PPP3CC: variants seen among roughly 807,000 people sequenced by gnomAD.
PPP3CC encodes the protein serine/threonine-protein phosphatase 2B catalytic subunit gamma isoform.
Under a neutral mutation model 60.3 loss-of-function variants are expected in PPP3CC, and 35 were observed. The observed-to-expected ratio is 0.58, with a 90% CI of 0.44 to 0.77. The LOEUF (loss-of-function observed/expected upper bound fraction) is 0.77, where lower values mean the gene tolerates loss of function less well. PPP3CC is among the 30% of genes least tolerant of loss of function. The pLI, the probability that PPP3CC is intolerant of heterozygous loss-of-function variation, is 0.00. For synonymous variants in PPP3CC, 206 were observed against 224.3 expected (o/e 0.92, Z 0.73); for missense variants, 570 against 628.9 (o/e 0.91, Z 1.00).
At chr8:22,493,641 C>G (rs1330482431) in intron 3 of PPP3CC, among the ~76,000 whole-genome samples, 1 of 152,098 alleles carries the variant, frequency 6.6e-6, no homozygotes, top group Non-Finnish European at 1.5e-5. Flanking sequence ...ATCAATATCA[C>G]TGCCTTTCAC....
intron 1 of PPP3CC, among the ~76,000 whole-genome samples, chr8:22,452,806 G>A (rs1354409681): frequency 4.3e-5 from 6 of 139,388 alleles, no homozygotes; most frequent in African/African-American, 1.5e-4. Context: ...TGCTGCTGCC[G>A]CCATCGCTAT....
intron 1 of PPP3CC, among the ~76,000 whole-genome samples, chr8:22,459,407 T>C (rs1014844051): frequency 2.0e-5 from 3 of 152,112 alleles, no homozygotes; most frequent in African/African-American, 7.2e-5. Context: ...AAGATTAGAG[T>C]AGATTCATGG....
intron 1 of PPP3CC, among the ~76,000 whole-genome samples, chr8:22,454,123 C>T (rs1837118165): frequency 1.3e-5 from 2 of 152,218 alleles, no homozygotes; most frequent in Admixed American, 1.3e-4. Context: ...AACTCTTGTA[C>T]TCATACTTAG....
rs537699503 is a variant in PPP3CC at position 22,448,405 on chromosome 8, G to T, written c.49+6947G>T. ...TGTTTTTTTTTTTTTTTGAGATGGA[G>T]TTTCGCTCTTGTTGCCCAGGCTGGA... On this transcript the variant is annotated intron_variant, in intron 1 of 13. Transcript: ENST00000240139. Among the ~76,000 whole-genome samples the T allele has an allele frequency of 4.1e-5, 6 of 146,498 alleles. No individual in the cohort carries two copies. The South Asian group carries it at 8.6e-4, about 21-fold the overall frequency.
rs777715654 is a variant in PPP3CC at position 22,513,403 on chromosome 8, C to T, written c.741C>T (p.Asn247=). 1 of 1,613,398 alleles carries T rather than the reference C, an allele frequency of 6.2e-7. No individual in the cohort carries two copies. Among genetic ancestry groups the T allele is most frequent in the Non-Finnish European group, 8.5e-7 (1 of 1,179,754 alleles). ...AGACCTTGGAGCACTATACCCACAA[C>T]ACTGTCCGAGGGTGCTCTTATTTCT... ...NEKTLEHYTH[N]TVRGCSYFYS... Residue 247 remains asparagine, a synonymous_variant, in exon 6 of 14, where the codon AAC becomes AAT. Transcript: ENST00000240139.
chr8:22,457,653 G>A (rs1837243937), intron 1 of PPP3CC, among the ~76,000 whole-genome samples: 1 of 152,172 alleles, frequency 6.6e-6, no homozygotes. Context: ...TGTAGCTATC[G>A]TTGATTTCCC....
intron 6 of PPP3CC, among the ~76,000 whole-genome samples, chr8:22,521,080 G>C (rs1441029783): frequency 6.6e-6 from 1 of 152,180 alleles, no homozygotes; most frequent in East Asian, 1.9e-4. Context: ...TAGGGGCATG[G>C]ACAAGTATGT....
intron 1 of PPP3CC, among the ~76,000 whole-genome samples, chr8:22,468,109 T>G (rs1411668631): frequency 6.6e-6 from 1 of 152,164 alleles, no homozygotes; most frequent in African/African-American, 2.4e-5. Flanking sequence ...GTCATTCTTT[T>G]TTTTGTTTTT....
chr8:22,529,951 G>A (rs1475964406), intron 10 of PPP3CC, among the ~76,000 whole-genome samples: 2 of 152,182 alleles, frequency 1.3e-5, no homozygotes, highest in South Asian at 2.1e-4. Flanking sequence ...AAAAGTGGTG[G>A]TCATCCAAGC....
chr8:22,506,342 C>CGA (rs1014859369), intron 4 of PPP3CC, among the ~76,000 whole-genome samples: 8 of 151,984 alleles, frequency 5.3e-5, no homozygotes, highest in African/African-American at 1.9e-4. Context: ...GCCTTTAACT[C>CGA]AAAGTTGTCA....
chr8:22,533,044 G>C, intron 12 of PPP3CC, 26 bp downstream of exon 12: 1 of 1,503,294 alleles, frequency 6.7e-7, no homozygotes. Context: ...CTCCTCCATG[G>C]AAGGTGTGCT....
intron 2 of PPP3CC, 24 bp from the exon 3 acceptor site, chr8:22,475,462 GTATAATTTCTCACA>G: frequency 6.3e-7 from 1 of 1,585,164 alleles, no homozygotes; most frequent in Non-Finnish European, 8.6e-7. Flanking sequence ...GTCTTCTAAG[GTATAATTTCTCACA>G]TCACTTTATG....
chr8:22,481,366 T>C (rs1838062940), intron 3 of PPP3CC, among the ~76,000 whole-genome samples: 1 of 147,850 alleles, frequency 6.8e-6, no homozygotes, highest in Non-Finnish European at 1.5e-5. Context: ...ATAATAATAA[T>C]AATAATAATA....
chr8:22,502,130 A>G lies in PPP3CC; in HGVS notation c.484+4018A>G, dbSNP rs183289434. On this transcript the variant is annotated intron_variant, in intron 4 of 13. Coordinates refer to ENST00000240139, the MANE Select transcript of PPP3CC (RefSeq NM_005605.5). ...AATGGGACAAAATAATGGGAGTCTC[A>G]TCATACTTACAGTTTTCATCCACTG... Among the ~76,000 whole-genome samples the G allele has an allele frequency of 4.7e-3, 720 of 152,342 alleles. 5 individuals are homozygous for G. Among genetic ancestry groups the G allele is most frequent in the Non-Finnish European group, 6.4e-3 (435 of 68,014 alleles).
intron 4 of PPP3CC, among the ~76,000 whole-genome samples, chr8:22,505,487 C>A (rs1412424232): frequency 6.6e-6 from 1 of 151,864 alleles, no homozygotes; most frequent in African/African-American, 2.4e-5. Context: ...TTTAGAGTAG[C>A]AAAAGATTGA....
intron 1 of PPP3CC, among the ~76,000 whole-genome samples, chr8:22,454,445 T>C (rs952663740): frequency 6.6e-6 from 1 of 152,194 alleles, no homozygotes; most frequent in African/African-American, 2.4e-5. Flanking sequence ...GTTACCTTTT[T>C]TTTGTTGTTT....
At chr8:22,514,552 T>C (rs749804210) in intron 6 of PPP3CC, among the ~76,000 whole-genome samples, 2 of 151,974 alleles carry the variant, frequency 1.3e-5, no homozygotes, top group African/African-American at 2.4e-5. Flanking sequence ...TATTTTGATA[T>C]AGTCATACAA....
At chr8:22,513,467 G>A (rs1161868312) in intron 6 of PPP3CC, 35 bp downstream of exon 6, 2 of 1,549,974 alleles carry the variant, frequency 1.3e-6, no homozygotes, top group African/African-American at 2.8e-5. Flanking sequence ...ATTATGAAAG[G>A]AAACTGTAAT....
chr8:22,487,899 A>C (rs1838272587), intron 3 of PPP3CC, among the ~76,000 whole-genome samples: 1 of 152,252 alleles, frequency 6.6e-6, no homozygotes, highest in Admixed American at 6.5e-5. Context: ...TTCACACAGA[A>C]GTAAAAAGTA....
Sources: allele counts gnomAD v4.1 joint callset (sites outside exome capture counted in the v4.1 genomes callset), GRCh38; gene constraint gnomAD v4.1.1; transcripts MANE v1.5; gene names NCBI Gene and HGNC (gene_info 2026-07-23, HGNC 2026-07-21).